The following CDH12 variants were observed in gnomAD, a reference collection of about 807,000 sequenced individuals.
CDH12 encodes cadherin 12.
CDH12 carries 41 observed loss-of-function variants against 74.1 expected under a neutral mutation model. The observed-to-expected ratio is 0.55, with a 90% CI of 0.43 to 0.72. CDH12 has a LOEUF of 0.72. Among genes scored for constraint, CDH12 ranks in the 30% least tolerant of loss-of-function variants. The pLI is 0.00. For synonymous variants in CDH12, 399 were observed against 355.0 expected (o/e 1.12, Z -1.39); for missense variants, 945 against 977.2 (o/e 0.97, Z 0.44).
intron 6 of CDH12, among the ~76,000 whole-genome samples, chr5:21,960,510 G>A (rs2431901): frequency 1.3e-5 from 2 of 152,094 alleles, no homozygotes; most frequent in South Asian, 2.1e-4. Context: ...GTCATATGCT[G>A]TAAATTTCTT....
intron 10 of CDH12, among the ~76,000 whole-genome samples, chr5:21,793,597 T>C (rs560611588): frequency 6.6e-6 from 1 of 151,848 alleles, no homozygotes; most frequent in East Asian, 1.9e-4. Flanking sequence ...TCTTATTAGG[T>C]CATGGCCAAA....
At chr5:22,408,378 T>G (rs1743028359) in intron 2 of CDH12, among the ~76,000 whole-genome samples, 1 of 151,888 alleles carries the variant, frequency 6.6e-6, no homozygotes, top group Non-Finnish European at 1.5e-5. Flanking sequence ...TGTCCTTTTT[T>G]TCAAAATAGT....
At chr5:22,409,058 A>G (rs1420205814) in intron 2 of CDH12, among the ~76,000 whole-genome samples, 1 of 152,112 alleles carries the variant, frequency 6.6e-6, no homozygotes, top group Non-Finnish European at 1.5e-5. Context: ...CATATACAGC[A>G]AAATGCATCC....
At chr5:21,869,163 T>G (rs1193318436) in intron 6 of CDH12, among the ~76,000 whole-genome samples, 1 of 152,148 alleles carries the variant, frequency 6.6e-6, no homozygotes, top group Non-Finnish European at 1.5e-5. Flanking sequence ...TGATCTAGAA[T>G]AGTGAGGTGA....
At position 22,672,145 on chromosome 5, in the gene CDH12, TTATTATATATATTATATATATG is replaced by T. The variant is rs1375195606; in HGVS notation, c.-522-166803_-522-166782del. On this transcript the variant is annotated intron_variant, in intron 1 of 14. Transcript: ENST00000382254. ...TATTATTTTATATATAAATATATAT[TTATTATATATATTATATATATG>T]TATAGGATATTTATATAGGAAGTGC... 8.3e-3 allele frequency among the ~76,000 whole-genome samples: 1,112 copies of T among 133,402 alleles called. 11 individuals carry two copies. Among genetic ancestry groups the T allele is most frequent in the African/African-American group, 0.03 (1,064 of 35,884 alleles). The allele number at this position is 133,402 out of a possible 152,430, so 87.5% of individuals were successfully genotyped here. A position where few individuals can be genotyped will look rare whatever the true frequency, so the allele number is the denominator to read the frequency against.
At chr5:22,079,988 G>C (rs1230918521) in intron 4 of CDH12, among the ~76,000 whole-genome samples, 1 of 151,960 alleles carries the variant, frequency 6.6e-6, no homozygotes, top group African/African-American at 2.4e-5. Context: ...AGGTCTAAAG[G>C]AATAAAAGCA....
intron 1 of CDH12, among the ~76,000 whole-genome samples, chr5:22,514,034 A>T: frequency 6.6e-6 from 1 of 151,470 alleles, no homozygotes; most frequent in East Asian, 1.9e-4. Flanking sequence ...TAATATAAGT[A>T]TAATACAATT....
At chr5:21,753,676 G>A (rs1297525816) in intron 14 of CDH12, among the ~76,000 whole-genome samples, 1 of 151,742 alleles carries the variant, frequency 6.6e-6, no homozygotes, top group African/African-American at 2.4e-5. Context: ...CCTATGACAG[G>A]ACAAAGAGTG....
chr5:22,473,403 A>G (rs1451002440), intron 2 of CDH12, among the ~76,000 whole-genome samples: 1 of 152,148 alleles, frequency 6.6e-6, no homozygotes, highest in African/African-American at 2.4e-5. Flanking sequence ...TTTAACTGCT[A>G]TATTCCAACA....
chr5:22,580,616 A>AC (rs1034226045), intron 1 of CDH12: 21 of 484,520 alleles, frequency 4.3e-5, no homozygotes, highest in African/African-American at 4.1e-4. Context: ...TGAAGTACAT[A>AC]CCCCACATAC....
At chr5:22,466,481 T>C (rs1745733645) in intron 2 of CDH12, among the ~76,000 whole-genome samples, 1 of 152,118 alleles carries the variant, frequency 6.6e-6, no homozygotes, top group Non-Finnish European at 1.5e-5. Context: ...AGCGAGTGTA[T>C]GGCTGAGTGC....
intron 2 of CDH12, among the ~76,000 whole-genome samples, chr5:22,485,662 A>T (rs1746562325): frequency 6.6e-6 from 1 of 152,198 alleles, no homozygotes; most frequent in Non-Finnish European, 1.5e-5. Flanking sequence ...TAAAGTTTAC[A>T]ACATAGCTTT....
At position 22,454,898 on chromosome 5, in the gene CDH12, C is replaced by G. The variant is rs1039076341; in HGVS notation, c.-427-49547G>C. Among the ~76,000 whole-genome samples the G allele has an allele frequency of 2.0e-5, 3 of 152,218 alleles. No individual in the cohort carries two copies. In the South Asian group the frequency reaches 6.2e-4, roughly 32 times the overall value. On this transcript the variant is annotated intron_variant, in intron 2 of 14. Transcript: ENST00000382254. Reference sequence around the variant, plus strand: ...ACCATTACTCCGGGGTCTATGGCTTCAACATATGAATCTGGAAGGAACACA... The same window carrying G: ...ACCATTACTCCGGGGTCTATGGCTTGAACATATGAATCTGGAAGGAACACA...
chr5:22,793,778 T>C (rs2126392526), intron 1 of CDH12, among the ~76,000 whole-genome samples: 1 of 151,976 alleles, frequency 6.6e-6, no homozygotes, highest in Non-Finnish European at 1.5e-5. Flanking sequence ...ATCCCATTTA[T>C]GGAACCACCA....
At chr5:22,435,494 A>C (rs1410708513) in intron 2 of CDH12, among the ~76,000 whole-genome samples, 2 of 64,714 alleles carry the variant, frequency 3.1e-5, no homozygotes, top group African/African-American at 6.9e-5. Flanking sequence ...GTATGTGTAT[A>C]TATATGTGTG....
chr5:22,336,982 C>T (rs910130056), intron 3 of CDH12, among the ~76,000 whole-genome samples: 4 of 152,176 alleles, frequency 2.6e-5, no homozygotes, highest in South Asian at 2.1e-4. Context: ...CCTGCAAAGC[C>T]ACAGGGTTGG....
chr5:21,879,540 C>A (rs1014551703), intron 6 of CDH12, among the ~76,000 whole-genome samples: 1 of 152,144 alleles, frequency 6.6e-6, no homozygotes, highest in African/African-American at 2.4e-5. Context: ...GTGAAAGCTA[C>A]GGCTCTTAAT....
intron 3 of CDH12, among the ~76,000 whole-genome samples, chr5:22,357,594 C>T (rs1228147107): frequency 6.6e-6 from 1 of 152,004 alleles, no homozygotes; most frequent in Non-Finnish European, 1.5e-5. Flanking sequence ...AAAAAGTGGG[C>T]ACTTTTGTAT....
At chr5:21,895,582 T>C (rs1392744115) in intron 6 of CDH12, among the ~76,000 whole-genome samples, 1 of 152,188 alleles carries the variant, frequency 6.6e-6, no homozygotes, top group Non-Finnish European at 1.5e-5. Context: ...ATCACCTTGT[T>C]AGCCACACAG....
Sources: gnomAD v4.1 joint callset for allele counts (sites outside exome capture counted in the v4.1 genomes callset) on GRCh38, gnomAD v4.1.1 for gene constraint, MANE v1.5 for transcripts, NCBI Gene and HGNC (gene_info 2026-07-23, HGNC 2026-07-21) for gene names.